CRYBG2: variants seen among roughly 807,000 people sequenced by gnomAD.
CRYBG2 encodes beta/gamma crystallin domain-containing protein 2.
Under a neutral mutation model 153.4 loss-of-function variants are expected in CRYBG2, and 106 were observed. The ratio of observed to expected loss-of-function variants is 0.69; its 90% CI spans 0.59 to 0.81. CRYBG2 has a LOEUF of 0.81. CRYBG2 is among the 30% of genes least tolerant of loss of function. The pLI, the probability that CRYBG2 is intolerant of heterozygous loss-of-function variation, is 0.00. For missense variants in CRYBG2, 1,996 were observed against 2,112.0 expected (o/e 0.95, Z 1.08); for synonymous variants, 851 against 877.8 (o/e 0.97, Z 0.54).
chr1:26,336,239 A>G lies in CRYBG2; in HGVS notation c.4072-32T>C. 6.3e-7 allele frequency: 1 copy of G among 1,576,802 alleles called. No individual in the cohort carries two copies. On this transcript the variant is annotated intron_variant, in intron 13 of 19. Transcript: ENST00000308182. This position sits in a 1 kb window ranked among gnomAD's most constrained non-coding sequence, Gnocchi z 4.9. ...GCAGAGAGGGGAGATGAGGGGAAGG[A>G]GGACGATGGAGTGGGGCCGAGAACA...
intron 10 of CRYBG2, 71 bp from the exon 11 acceptor site, chr1:26,337,051 G>C: frequency 6.3e-7 from 1 of 1,588,740 alleles, no homozygotes; most frequent in South Asian, 1.1e-5. Flanking sequence ...CAGACCCCAG[G>C]GTCACAGCCC....
intron 14 of CRYBG2, among the ~76,000 whole-genome samples, chr1:26,334,360 G>C (rs2074030331): frequency 1.3e-5 from 2 of 152,052 alleles, no homozygotes; most frequent in Non-Finnish European, 1.5e-5. Context: ...GGAGGTCAAG[G>C]CTGCACTGAG....
chr1:26,330,538 CTT>C (rs35886545), intron 15 of CRYBG2, among the ~76,000 whole-genome samples: 11 of 118,076 alleles, frequency 9.3e-5, no homozygotes, highest in Non-Finnish European at 1.0e-4. Flanking sequence ...TGTGGCAAGC[CTT>C]TTTTTTTTTT....
chr1:26,343,348 C>T lies in CRYBG2; in HGVS notation c.2914-55G>A. On this transcript the variant is annotated intron_variant, in intron 2 of 19. Coordinates refer to ENST00000308182, the MANE Select transcript of CRYBG2 (RefSeq NM_001039775.4). The surrounding 1 kb of genome is among the most constrained non-coding windows in gnomAD (Gnocchi z 4.1). ...CTGTGGGGTCACCTCTTTTCTGCCT[C>T]CCCACAACCCGCCATTCCAAGGATC... 9 of 1,531,928 alleles carry T rather than the reference C, an allele frequency of 5.9e-6. No homozygotes were observed. The highest frequency in any genetic ancestry group is 8.0e-6 in the Non-Finnish European group (9 of 1,130,428). The allele number at this position is 1,531,928 out of a possible 1,614,324, so 94.9% of individuals were successfully genotyped here.
chr1:26,345,494 C>G lies in CRYBG2; in HGVS notation c.1164G>C (p.Leu388=). The change falls in exon 2 of 20, where the codon CTG becomes CTC. Residue 388 remains leucine, a synonymous_variant. Coordinates refer to ENST00000308182, the MANE Select transcript of CRYBG2 (RefSeq NM_001039775.4). The part of the protein sequence containing the change: ...HPGARLTPLV[L]PPKKKDGPVD... ...CGGGCCCGTCCTTTTTTTTAGGGGG[C>G]AGAACAAGGGGAGTGAGCCGGGCCC... The G allele has an allele frequency of 3.1e-6, 5 of 1,591,090 alleles. No individual in the cohort carries two copies. Among genetic ancestry groups the G allele is most frequent in the Non-Finnish European group, 4.3e-6 (5 of 1,167,820 alleles).
chr1:26,330,538 C>CTTTTTT (rs35886545), intron 15 of CRYBG2, among the ~76,000 whole-genome samples: 5 of 118,108 alleles, frequency 4.2e-5, no homozygotes, highest in South Asian at 2.8e-4. Context: ...TGTGGCAAGC[C>CTTTTTT]TTTTTTTTTT....
Position 26,343,725 on chromosome 1 carries a change from C to T in CRYBG2, c.2913+20G>A, listed in dbSNP as rs1237055638. ...AGGTGAGGCCAGGCACCTCCCTTGC[C>T]CACCCGAGGCCTCACTTACCCACCC... On this transcript the variant is annotated intron_variant, in intron 2 of 19. Coordinates refer to ENST00000308182, the MANE Select transcript of CRYBG2 (RefSeq NM_001039775.4). This position sits in a 1 kb window ranked among gnomAD's most constrained non-coding sequence, Gnocchi z 4.1. 6.9e-7 allele frequency: 1 copy of T among 1,442,756 alleles called. No individual in the cohort carries two copies. The highest frequency in any genetic ancestry group is 2.5e-5 in the East Asian group (1 of 39,896). The allele number at this position is 1,442,756 out of a possible 1,614,324, so 89.4% of individuals were successfully genotyped here. A position where few individuals can be genotyped will look rare whatever the true frequency, so the allele number is the denominator to read the frequency against.
chr1:26,333,045 A>AAAAAAAAAAAAAATT (rs2074016334), intron 14 of CRYBG2, among the ~76,000 whole-genome samples: 1 of 138,736 alleles, frequency 7.2e-6, no homozygotes, highest in Non-Finnish European at 1.5e-5. Context: ...AAAAAAAAAA[A>AAAAAAAAAAAAAATT]AGATTTCTAA....
intron 7 of CRYBG2, 32 bp downstream of exon 7, chr1:26,338,319 C>A: frequency 6.4e-7 from 1 of 1,565,204 alleles, no homozygotes; most frequent in South Asian, 1.2e-5. Flanking sequence ...GAGCCTAGAC[C>A]TCCTGGCCTG....
intron 1 of CRYBG2, among the ~76,000 whole-genome samples, chr1:26,347,846 G>A (rs984671849): frequency 5.3e-5 from 8 of 152,110 alleles, no homozygotes; most frequent in South Asian, 2.1e-4. Context: ...TGCTGGTCTC[G>A]AACTCCTGGG....
intron 17 of CRYBG2, among the ~76,000 whole-genome samples, chr1:26,326,181 C>T (rs1033621701): frequency 1.3e-5 from 2 of 151,974 alleles, no homozygotes; most frequent in Non-Finnish European, 2.9e-5. Flanking sequence ...AGTGAGCCAC[C>T]GCACCCAGCC....
chr1:26,343,953 G>A lies in CRYBG2; in HGVS notation c.2705C>T (p.Ser902Phe), dbSNP rs36024412. 6.5e-7 allele frequency: 1 copy of A among 1,538,202 alleles called. No individual in the cohort carries two copies. The highest frequency in any genetic ancestry group is 2.0e-5 in the Admixed American group (1 of 50,904). ...GAACAGAAGGCTGCCTCCAAGACGGGAAGTGGGCCTGCTGCCTCCCTGCAG... is the reference window on the plus strand; with the variant it reads ...GAACAGAAGGCTGCCTCCAAGACGGAAAGTGGGCCTGCTGCCTCCCTGCAG... The part of the protein sequence containing the change: ...LELQGGSRPT[S>F]RLGGSLLFGS... Residue 902 changes from serine to phenylalanine, a missense_variant, in exon 2 of 20, where the codon TCC becomes TTC. By Grantham distance (155) the Ser-to-Phe change is radical. Transcript: ENST00000308182. This position sits in a 1 kb window ranked among gnomAD's most constrained non-coding sequence, Gnocchi z 4.1.
At chr1:26,351,268 C>G (rs1036413413) in intron 1 of CRYBG2, among the ~76,000 whole-genome samples, 1 of 152,178 alleles carries the variant, frequency 6.6e-6, no homozygotes, top group African/African-American at 2.4e-5. Context: ...GGACTCTGCC[C>G]AAATGAAGTT....
Position 26,322,317 on chromosome 1 carries a change from G to A in CRYBG2, c.4744C>T (p.Pro1582Ser). Residue 1582 changes from proline to serine, a missense_variant, in exon 19 of 20, where the codon CCC (proline) becomes TCC (serine). By Grantham distance (74) the Pro-to-Ser change is moderately conservative (BLOSUM62 -1). Transcript: ENST00000308182. ...EDGLLKNQMA[P>S]TMSLQVIGPP... is the part of the protein sequence containing the mutation. ...CCAATCACCTGTAGGCTCATGGTGG[G>A]GGCCATCTGAGGCCCCAGGAGGTCA... The A allele has an allele frequency of 6.2e-7, 1 of 1,610,792 alleles. No individual in the cohort carries two copies. The highest frequency in any genetic ancestry group is 1.1e-5 in the South Asian group (1 of 91,018).
chr1:26,324,491 A>ATC (rs398049161), intron 17 of CRYBG2, among the ~76,000 whole-genome samples, 181 bp from the exon 18 acceptor site: 23 of 135,502 alleles, frequency 1.7e-4, no homozygotes, highest in South Asian at 2.3e-4. Flanking sequence ...GAGCACATGT[A>ATC]TCTCTCTCTC....
rs982149023 is a variant in CRYBG2 at position 26,337,798 on chromosome 1, C to G, written c.3508-124G>C. ...GCCCTCCCACCTCCTTGCTGAACTC[C>G]ATCCCCTTACCCAATTCCTATCTCT... On this transcript the variant is annotated intron_variant, in intron 8 of 19. Coordinates refer to ENST00000308182, the MANE Select transcript of CRYBG2 (RefSeq NM_001039775.4). 2.2e-6 allele frequency: 3 copies of G among 1,389,670 alleles called. No homozygotes were observed. In the African/African-American group the frequency reaches 4.3e-5, roughly 20 times the overall value. The allele number at this position is 1,389,670 out of a possible 1,614,324, so 86.1% of individuals were successfully genotyped here.
chr1:26,336,718 T>G lies in CRYBG2; in HGVS notation c.3926A>C (p.Gln1309Pro). ...HVLSGVWVAY[Q>P]EVGFSGEQYV... ...CTGTTCCCCGGAGAAGCCCACCTCCTGGTAGGCCACCCACCTGCAGGAAGG... is the reference window on the plus strand; with the variant it reads ...CTGTTCCCCGGAGAAGCCCACCTCCGGGTAGGCCACCCACCTGCAGGAAGG... Residue 1309 changes from glutamine (Q) to proline (P), a missense_variant, in exon 12 of 20, where the codon CAG becomes CCG. Coordinates refer to ENST00000308182, the MANE Select transcript of CRYBG2 (RefSeq NM_001039775.4). The surrounding 1 kb of genome is among the most constrained non-coding windows in gnomAD (Gnocchi z 4.9). 5 of 1,581,158 alleles carry G rather than the reference T, an allele frequency of 3.2e-6. No individual in the cohort carries two copies. The highest frequency in any genetic ancestry group is 4.3e-6 in the Non-Finnish European group (5 of 1,163,360).
At position 26,328,813 on chromosome 1, in the gene CRYBG2, C is replaced by G. The variant is rs115089365; in HGVS notation, c.4375G>C (p.Glu1459Gln). 4.8e-4 allele frequency: 782 copies of G among 1,614,056 alleles called. 3 individuals carry two copies. Among genetic ancestry groups the G allele is most frequent in the Non-Finnish European group, 2.1e-4 (245 of 1,180,028 alleles). ...GLECFEGKEI[E>Q]LSREVRSLQA... ...AGGCTCCGCACCTCCCTGCTGAGCT[C>G]GATCTCCTTCCCCTCGAAGCACTCG... Residue 1459 changes from glutamate (E) to glutamine (Q), a missense_variant, in exon 16 of 20, where the codon GAG (glutamate) becomes CAG (glutamine). Physicochemically the swap from Glu to Gln is conservative, Grantham distance 29. Coordinates refer to ENST00000308182, the MANE Select transcript of CRYBG2 (RefSeq NM_001039775.4).
At chr1:26,322,990 G>A (rs2073877435) in intron 18 of CRYBG2, among the ~76,000 whole-genome samples, 1 of 151,976 alleles carries the variant, frequency 6.6e-6, no homozygotes, top group African/African-American at 2.4e-5. Flanking sequence ...CCTCTGCCTG[G>A]AACACTCTTC....
Sources: gnomAD v4.1 joint callset for allele counts (sites outside exome capture counted in the v4.1 genomes callset) on GRCh38, gnomAD v4.1.1 for gene constraint, Gnocchi (gnomAD v3.1) non-coding constraint, MANE v1.5 for transcripts, NCBI Gene and HGNC (gene_info 2026-07-23, HGNC 2026-07-21) for gene names.